NRG1: variants seen among roughly 807,000 people sequenced by gnomAD.
NRG1 encodes the protein neuregulin 1.
A neutral mutation model predicts 63.8 loss-of-function variants in NRG1; 18 were observed. The observed-to-expected ratio is 0.28, with a 90% confidence interval of 0.19 to 0.42. The LOEUF (loss-of-function observed/expected upper bound fraction) is 0.42, where lower values mean the gene tolerates loss of function less well. Ranked by LOEUF, NRG1 falls within the 10% of genes least tolerant of loss-of-function variation. The pLI is 1.00. For missense variants in NRG1, 762 were observed against 814.7 expected, an observed-to-expected ratio of 0.94 and a Z score of 0.79; for synonymous variants, 302 against 301.3, an observed-to-expected ratio of 1.00 and a Z score of -0.02.
At chr8:31,744,250 T>A (rs767837023) in intron 1 of NRG1, among the ~76,000 whole-genome samples, 1 of 151,980 alleles carries the variant, frequency 6.6e-6, no homozygotes, top group African/African-American at 2.4e-5. Context: ...AATGAAGAGA[T>A]CCTCTATCTG....
At chr8:32,040,595 A>G (rs1002008458) in intron 1 of NRG1, among the ~76,000 whole-genome samples, 4 of 147,922 alleles carry the variant, frequency 2.7e-5, no homozygotes, top group Non-Finnish European at 5.9e-5. Context: ...GTGTGTGTGT[A>G]TATGTATATA....
chr8:32,382,684 A>C (rs1810502427), intron 1 of NRG1, among the ~76,000 whole-genome samples: 1 of 152,230 alleles, frequency 6.6e-6, no homozygotes, highest in Non-Finnish European at 1.5e-5. Context: ...AAGTGGTCAC[A>C]GCTTGACCTG....
At chr8:32,039,119 T>C (rs1819530464) in intron 1 of NRG1, among the ~76,000 whole-genome samples, 1 of 152,204 alleles carries the variant, frequency 6.6e-6, no homozygotes, top group African/African-American at 2.4e-5. Flanking sequence ...TGCTTTCTCA[T>C]TTAATTTCTT....
intron 3 of NRG1, among the ~76,000 whole-genome samples, chr8:32,608,096 T>C (rs1392072103): frequency 1.7e-5 from 2 of 118,308 alleles, no homozygotes; most frequent in African/African-American, 8.4e-5. Flanking sequence ...TTTTTTGTTT[T>C]TTTTTTTTTT....
intron 1 of NRG1, among the ~76,000 whole-genome samples, chr8:31,736,764 T>C (rs536510112): frequency 6.6e-5 from 10 of 152,278 alleles, no homozygotes; most frequent in Non-Finnish European, 1.2e-4. Context: ...GTTTGTTCAA[T>C]ATTTTCTATG....
At chr8:31,687,837 AG>A (rs1464595985) in intron 1 of NRG1, among the ~76,000 whole-genome samples, 2 of 152,244 alleles carry the variant, frequency 1.3e-5, no homozygotes, top group African/African-American at 4.8e-5. Context: ...CACCTCCATT[AG>A]TAAATGGATG....
Position 32,648,970 on chromosome 8 carries a change from G to A in NRG1, c.502+32085G>A, listed in dbSNP as rs146566723. On this transcript the variant is annotated intron_variant, in intron 5 of 11. Transcript: ENST00000356819. Reference sequence around the variant, plus strand: ...TGCTAGCCTCTCACTAGCTTGAGACGACTGCTGTCCTGCCCAGATGGCACT... The same window carrying A: ...TGCTAGCCTCTCACTAGCTTGAGACAACTGCTGTCCTGCCCAGATGGCACT... 3.3e-3 allele frequency among the ~76,000 whole-genome samples: 507 copies of A among 152,268 alleles called. 2 individuals are homozygous for A. Among genetic ancestry groups the A allele is most frequent in the Admixed American group, 6.9e-3 (105 of 15,300 alleles).
intron 1 of NRG1, among the ~76,000 whole-genome samples, chr8:31,925,779 T>A (rs1385926055): frequency 2.0e-5 from 3 of 152,202 alleles, no homozygotes; most frequent in African/African-American, 7.2e-5. Context: ...TATAGAACTT[T>A]CTGTTCAAAA....
chr8:32,582,655 A>G (rs546132946), intron 1 of NRG1, among the ~76,000 whole-genome samples: 1 of 152,304 alleles, frequency 6.6e-6, no homozygotes, highest in Admixed American at 6.5e-5. Context: ...ATGAGACTTT[A>G]GGTGGGAAAA....
rs532624643 is a variant in NRG1, at chr8:32,066,521, G to A, written c.37+427090G>A. On this transcript the variant is annotated intron_variant, in intron 1 of 10. Coordinates refer to the NRG1 transcript ENST00000519301. Reference sequence around the variant, plus strand: ...GTAGATATGCAGCATTATTTCTGAGGGCTCTGTTCTGTTCCATTGGTCTAT... The same window carrying A: ...GTAGATATGCAGCATTATTTCTGAGAGCTCTGTTCTGTTCCATTGGTCTAT... Among the ~76,000 whole-genome samples the A allele has an allele frequency of 9.9e-3, 1,500 of 152,000 alleles. 23 individuals carry two copies. Among genetic ancestry groups the A allele is most frequent in the African/African-American group, 0.035 (1,447 of 41,450 alleles).
intron 1 of NRG1, among the ~76,000 whole-genome samples, chr8:32,271,793 C>T (rs538954679): frequency 2.0e-4 from 30 of 152,240 alleles, no homozygotes; most frequent in African/African-American, 7.2e-4. Flanking sequence ...TACAATCATG[C>T]ACCTAGGGTC....
At position 32,233,563 on chromosome 8, in the gene NRG1, A is replaced by ATATATT. The variant is rs34593729; in HGVS notation, c.38-362264_38-362263insATATTT. 6.2e-3 allele frequency among the ~76,000 whole-genome samples: 417 copies of ATATATT among 67,208 alleles called. 6 individuals are homozygous for ATATATT. The highest frequency in any genetic ancestry group is 0.026 in the East Asian group (65 of 2,542). The allele number at this position is 67,208 out of a possible 152,430, so 44.1% of individuals were successfully genotyped here. A position where few individuals can be genotyped will look rare whatever the true frequency, so the allele number is the denominator to read the frequency against. On this transcript the variant is annotated intron_variant, in intron 1 of 10. Transcript: ENST00000519301. Reference sequence around the variant, plus strand: ...TATATATATATATATATATATATATATTTTTTTTTTTTTTTCTTTTGAAAC... The same window carrying ATATATT: ...TATATATATATATATATATATATATATATATTTTTTTTTTTTTTTTTCTTTTGAAAC...
chr8:32,403,299 CAAAAA>C (rs68127664), intron 1 of NRG1, among the ~76,000 whole-genome samples: 2 of 89,794 alleles, frequency 2.2e-5, no homozygotes, highest in Non-Finnish European at 4.5e-5. Context: ...CACTCTGTCT[CAAAAA>C]AAAAAAAAAA....
chr8:31,975,779 A>G (rs1808063645), intron 1 of NRG1, among the ~76,000 whole-genome samples: 1 of 152,202 alleles, frequency 6.6e-6, no homozygotes, highest in African/African-American at 2.4e-5. Flanking sequence ...AATTTTAATT[A>G]TAGGTGAAGT....
chr8:32,088,514 G>A (rs976211360), intron 1 of NRG1, among the ~76,000 whole-genome samples: 1 of 118,044 alleles, frequency 8.5e-6, no homozygotes, highest in African/African-American at 3.2e-5. Context: ...AAACTTACAA[G>A]TCATCACTTT....
intron 1 of NRG1, among the ~76,000 whole-genome samples, chr8:32,424,481 A>C (rs1174880081): frequency 6.6e-6 from 1 of 152,164 alleles, no homozygotes; most frequent in Non-Finnish European, 1.5e-5. Context: ...TGAAGAACGA[A>C]ATGAGGCCTT....
intron 1 of NRG1, among the ~76,000 whole-genome samples, chr8:31,895,009 T>A (rs1831464146): frequency 6.6e-6 from 1 of 152,256 alleles, no homozygotes; most frequent in Non-Finnish European, 1.5e-5. Context: ...ATGTGGTTAA[T>A]AAAACCAAAA....
chr8:32,207,673 C>T (rs574195715), intron 1 of NRG1, among the ~76,000 whole-genome samples: 8 of 152,130 alleles, frequency 5.3e-5, no homozygotes, highest in East Asian at 1.9e-4. Context: ...GGGCTATTTC[C>T]GTCTAATAAC....
chr8:31,870,647 A>G (rs1829396712), intron 1 of NRG1, among the ~76,000 whole-genome samples: 1 of 152,258 alleles, frequency 6.6e-6, no homozygotes, highest in South Asian at 2.1e-4. Flanking sequence ...GTTTTGGCCA[A>G]ATTGTTGCTT....
Sources: gnomAD v4.1 joint callset for allele counts (sites outside exome capture counted in the v4.1 genomes callset) on GRCh38, gnomAD v4.1.1 for gene constraint, MANE v1.5 for transcripts, NCBI Gene and HGNC (gene_info 2026-07-23, HGNC 2026-07-21) for gene names.